PALD1: variants seen among roughly 807,000 people sequenced by gnomAD.
The protein encoded by PALD1 is phosphatase domain containing paladin 1, also known as paladin.
PALD1 carries 57 observed loss-of-function variants against 96.0 expected under a neutral mutation model. The observed-to-expected ratio is 0.59, with a 90% confidence interval of 0.48 to 0.74. The LOEUF is 0.74. PALD1 is among the 30% of genes least tolerant of loss of function. PALD1 has a pLI of 0.00. For missense variants in PALD1, 1,063 were observed against 1,143.7 expected, an observed-to-expected ratio of 0.93 and a Z score of 1.02; for synonymous variants, 464 against 473.6, an observed-to-expected ratio of 0.98 and a Z score of 0.26.
chr10:70,529,245 G>A lies in PALD1; in HGVS notation c.202G>A (p.Glu68Lys). ...CCCCCCCAGGTACAACTGCAAGGAG[G>A]AGTTCCAGATCCATGATGAGCTGCT... The part of the protein sequence containing the change: ...PVVITYNCKE[E>K]FQIHDELLKA... The change falls in exon 3 of 20, where the codon GAG becomes AAG. Residue 68 changes from glutamate (E) to lysine (K), a missense_variant. Physicochemically the swap from Glu to Lys is moderately conservative, Grantham distance 56. Coordinates refer to ENST00000263563, the MANE Select transcript of PALD1 (RefSeq NM_014431.3). The A allele has an allele frequency of 1.8e-6, 2 of 1,136,994 alleles. No homozygotes were observed. The highest frequency in any genetic ancestry group is 2.5e-6 in the Non-Finnish European group (2 of 786,604). The allele number at this position is 1,136,994 out of a possible 1,614,324, so 70.4% of individuals were successfully genotyped here.
the PALD1 span, among the ~76,000 whole-genome samples, chr10:70,462,508 C>T: frequency 6.6e-6 from 1 of 152,270 alleles, no homozygotes; most frequent in Non-Finnish European, 1.5e-5. Context: ...TTCTTTACCC[C>T]CTACTGGAAG....
At chr10:70,564,213 C>A in intron 18 of PALD1, 151 bp from the exon 19 acceptor site, 2 of 779,970 alleles carry the variant, frequency 2.6e-6, no homozygotes, top group African/African-American at 1.7e-5. Context: ...TGGCTTGCTC[C>A]ATTGCTTGTC....
At chr10:70,492,589 T>C (rs1323023542) in intron 1 of PALD1, among the ~76,000 whole-genome samples, 1 of 151,130 alleles carries the variant, frequency 6.6e-6, no homozygotes, top group African/African-American at 2.4e-5. Flanking sequence ...CCTGAGTAGC[T>C]GGGATTACAG....
At chr10:70,459,397 C>T in the PALD1 span, among the ~76,000 whole-genome samples, 2 of 152,114 alleles carry the variant, frequency 1.3e-5, no homozygotes, top group African/African-American at 4.8e-5. Context: ...TGTTCTTTTC[C>T]TTTAAAAGCC....
At chr10:70,480,879 A>G (rs1845919127) in intron 1 of PALD1, among the ~76,000 whole-genome samples, 2 of 152,234 alleles carry the variant, frequency 1.3e-5, no homozygotes, top group African/African-American at 4.8e-5. Context: ...AGAGACGTAG[A>G]GGAGCTGGAT....
At chr10:70,551,895 CAA>C (rs1290509911) in intron 18 of PALD1, among the ~76,000 whole-genome samples, 3 of 145,374 alleles carry the variant, frequency 2.1e-5, no homozygotes, top group East Asian at 2.6e-4. Flanking sequence ...TCAGGTTGAG[CAA>C]AGAGTCTCCC....
the PALD1 span, among the ~76,000 whole-genome samples, chr10:70,459,876 C>G: frequency 9.9e-5 from 15 of 152,172 alleles, no homozygotes; most frequent in African/African-American, 3.4e-4. Flanking sequence ...ACAGCCAGCC[C>G]TCTCCCCTCC....
intron 18 of PALD1, among the ~76,000 whole-genome samples, chr10:70,555,687 G>A (rs185380284): frequency 6.6e-6 from 1 of 152,216 alleles, no homozygotes; most frequent in East Asian, 1.9e-4. Flanking sequence ...CCCAGGCAGG[G>A]TCTTTCTCAG....
intron 7 of PALD1, 70 bp from the exon 8 acceptor site, chr10:70,533,852 T>A: frequency 1.4e-6 from 2 of 1,394,116 alleles, no homozygotes; most frequent in South Asian, 3.0e-5. Flanking sequence ...GTCATGCTTT[T>A]CTCCCTGCTC....
chr10:70,491,128 G>A (rs557495251), intron 1 of PALD1, among the ~76,000 whole-genome samples: 1 of 152,248 alleles, frequency 6.6e-6, no homozygotes, highest in South Asian at 2.1e-4. Context: ...TGTATTTTTA[G>A]TAGAGACGGG....
chr10:70,475,630 T>A (rs1209510141), upstream of PALD1, among the ~76,000 whole-genome samples: 1 of 152,214 alleles, frequency 6.6e-6, no homozygotes, highest in Non-Finnish European at 1.5e-5. Context: ...CTTTGCTGGT[T>A]TGAACCCAGC....
intron 2 of PALD1, 93 bp downstream of exon 2, chr10:70,526,229 T>C (rs112839856): frequency 0.013 from 12,856 of 1,011,494 alleles, 165 homozygotes; most frequent in East Asian, 0.044. Context: ...CACTTAACGC[T>C]TGCAGACTGG....
intron 1 of PALD1, among the ~76,000 whole-genome samples, chr10:70,502,751 G>C: frequency 6.6e-6 from 1 of 152,160 alleles, no homozygotes; most frequent in Non-Finnish European, 1.5e-5. Flanking sequence ...CATCCTGCCA[G>C]GTGCTCAGGA....
At chr10:70,522,730 C>T (rs1262883703) in intron 1 of PALD1, among the ~76,000 whole-genome samples, 1 of 152,208 alleles carries the variant, frequency 6.6e-6, no homozygotes, top group Non-Finnish European at 1.5e-5. Context: ...GCACTAGGCA[C>T]CCCACCTGCA....
At chr10:70,500,654 A>G (rs58989418) in intron 1 of PALD1, among the ~76,000 whole-genome samples, 6,001 of 152,204 alleles carry the variant, frequency 0.039, 378 homozygotes, top group African/African-American at 0.13. Context: ...GCCACTGTGC[A>G]GCTCGGTATA....
chr10:70,564,950 C>T (rs1847814976), intron 19 of PALD1, among the ~76,000 whole-genome samples: 1 of 152,218 alleles, frequency 6.6e-6, no homozygotes, highest in Admixed American at 6.5e-5. Context: ...AGTGGCCCTG[C>T]CCCTTTCTCC....
chr10:70,460,253 G>A, the PALD1 span, among the ~76,000 whole-genome samples: 1 of 151,972 alleles, frequency 6.6e-6, no homozygotes, highest in South Asian at 2.1e-4. Flanking sequence ...TCTCCCCTGC[G>A]GTTACTTGCC....
At chr10:70,565,671 G>A (rs1026585012) in intron 19 of PALD1, among the ~76,000 whole-genome samples, 27 of 152,274 alleles carry the variant, frequency 1.8e-4, no homozygotes, top group East Asian at 3.9e-4. Context: ...AAATGCCCCC[G>A]GTGCATGTGA....
At chr10:70,473,555 C>T in the PALD1 span, among the ~76,000 whole-genome samples, 1 of 152,172 alleles carries the variant, frequency 6.6e-6, no homozygotes, top group Non-Finnish European at 1.5e-5. Flanking sequence ...ATGTCAGTTC[C>T]ATGAAGGCAG....
Sources: gnomAD v4.1 joint callset for allele counts (sites outside exome capture counted in the v4.1 genomes callset) on GRCh38, gnomAD v4.1.1 for gene constraint, MANE v1.5 for transcripts, NCBI Gene and HGNC (gene_info 2026-07-23, HGNC 2026-07-21) for gene names.